The following RFX3 variants were observed in gnomAD, a reference collection of about 807,000 sequenced individuals.
RFX3 encodes the protein transcription factor RFX3.
Under a neutral mutation model 98.6 loss-of-function variants are expected in RFX3, and 14 were observed. The ratio of observed to expected loss-of-function variants is 0.14; its 90% confidence interval spans 0.09 to 0.22. The LOEUF (loss-of-function observed/expected upper bound fraction) is 0.22, where lower values mean the gene tolerates loss of function less well. Among genes scored for constraint, RFX3 ranks in the 10% least tolerant of loss-of-function variants. The pLI, the probability that RFX3 is intolerant of heterozygous loss-of-function variation, is 1.00. For synonymous variants in RFX3, 383 were observed against 328.4 expected (o/e 1.17, Z -1.80); for missense variants, 639 against 926.9 (o/e 0.69, Z 4.03).
chr9:3,250,074 G>A (rs1821182880), intron 14 of RFX3, among the ~76,000 whole-genome samples: 1 of 151,712 alleles, frequency 6.6e-6, no homozygotes. Context: ...TAATTTATAA[G>A]ATTACAATAT....
At chr9:3,235,795 C>G (rs978795577) in intron 15 of RFX3, among the ~76,000 whole-genome samples, 1 of 152,080 alleles carries the variant, frequency 6.6e-6, no homozygotes, top group Admixed American at 6.5e-5. Context: ...AATGTAGTTA[C>G]TCTTGTAACT....
At chr9:3,412,043 G>C (rs1158009339) in intron 1 of RFX3, among the ~76,000 whole-genome samples, 1 of 152,048 alleles carries the variant, frequency 6.6e-6, no homozygotes, top group African/African-American at 2.4e-5. Context: ...TAACAGCTAA[G>C]CTATTTTCAG....
At chr9:3,279,403 G>T (rs962558013) in intron 7 of RFX3, among the ~76,000 whole-genome samples, 2 of 151,734 alleles carry the variant, frequency 1.3e-5, no homozygotes, top group African/African-American at 4.8e-5. Context: ...AAAGGAATTT[G>T]AGTTATTAAT....
chr9:3,264,309 T>C (rs1481229327), intron 12 of RFX3, among the ~76,000 whole-genome samples: 1 of 152,198 alleles, frequency 6.6e-6, no homozygotes, highest in Admixed American at 6.5e-5. Context: ...ATTTTAAAAA[T>C]AGACACATCT....
intron 4 of RFX3, among the ~76,000 whole-genome samples, chr9:3,327,878 G>GTA (rs748092989): frequency 4.1e-5 from 6 of 146,132 alleles, no homozygotes; most frequent in Non-Finnish European, 8.9e-5. Flanking sequence ...CATAGAAAGT[G>GTA]TATACCTTAT....
intron 3 of RFX3, among the ~76,000 whole-genome samples, chr9:3,339,649 G>C (rs1189135849): frequency 6.6e-6 from 1 of 152,170 alleles, no homozygotes; most frequent in African/African-American, 2.4e-5. Context: ...ATTAGACAGA[G>C]AACAGGATGC....
intron 1 of RFX3, among the ~76,000 whole-genome samples, chr9:3,434,394 G>T (rs1844931404): frequency 6.6e-6 from 1 of 152,022 alleles, no homozygotes; most frequent in Non-Finnish European, 1.5e-5. Flanking sequence ...ACCAAATCTA[G>T]CAATCTCTGT....
chr9:3,327,879 T>A (rs1832105299), intron 4 of RFX3, among the ~76,000 whole-genome samples: 1 of 145,682 alleles, frequency 6.9e-6, no homozygotes, highest in African/African-American at 2.7e-5. Flanking sequence ...ATAGAAAGTG[T>A]ATACCTTATC....
chr9:3,374,388 T>A (rs774191217), intron 2 of RFX3, among the ~76,000 whole-genome samples: 3 of 152,134 alleles, frequency 2.0e-5, no homozygotes, highest in African/African-American at 7.2e-5. Flanking sequence ...ATTCATAGCA[T>A]CATAATTCCC....
intron 4 of RFX3, among the ~76,000 whole-genome samples, chr9:3,319,497 T>A (rs1464540807): frequency 6.6e-6 from 1 of 152,190 alleles, no homozygotes. Flanking sequence ...TTTGCATTCA[T>A]GATTCTCTTT....
intron 1 of RFX3, among the ~76,000 whole-genome samples, chr9:3,476,812 G>C (rs1318844517): frequency 6.6e-6 from 1 of 152,102 alleles, no homozygotes; most frequent in East Asian, 1.9e-4. Context: ...GAATATTAAA[G>C]CACCGGATAT....
chr9:3,248,566 G>T (rs1423321693), intron 14 of RFX3, among the ~76,000 whole-genome samples: 2 of 152,136 alleles, frequency 1.3e-5, no homozygotes, highest in Non-Finnish European at 2.9e-5. Flanking sequence ...ATTGATGAAG[G>T]TTGGCAGTCT....
intron 1 of RFX3, among the ~76,000 whole-genome samples, chr9:3,399,879 G>A (rs1841305577): frequency 6.6e-6 from 1 of 151,616 alleles, no homozygotes; most frequent in Non-Finnish European, 1.5e-5. Flanking sequence ...AACCTGGGAG[G>A]CAGAGGTTGC....
At chr9:3,419,940 C>G (rs957659662) in intron 1 of RFX3, among the ~76,000 whole-genome samples, 3 of 152,186 alleles carry the variant, frequency 2.0e-5, no homozygotes. Flanking sequence ...AATTCCAACA[C>G]AACCTCTGCA....
chr9:3,416,679 T>C (rs1219406941), intron 1 of RFX3, among the ~76,000 whole-genome samples: 1 of 152,140 alleles, frequency 6.6e-6, no homozygotes, highest in African/African-American at 2.4e-5. Flanking sequence ...CTGTGATAAG[T>C]TGAAGCAGCA....
chr9:3,354,477 C>G (rs945999226), intron 2 of RFX3, among the ~76,000 whole-genome samples: 11 of 151,270 alleles, frequency 7.3e-5, no homozygotes, highest in African/African-American at 2.2e-4. Context: ...ATTAAGCAGA[C>G]AAAAAAAGAT....
rs1487602139 is a variant in RFX3, at chr9:3,219,602, T to C, written c.*5440A>G. ...AAATCCTAGGCAGTCACTTTGTAAG[T>C]GGCTTTTACTATTTAAGTAAAATTG... On this transcript the variant is annotated 3_prime_UTR_variant, in exon 17 of 17. Coordinates refer to ENST00000617270, the MANE Select transcript of RFX3 (RefSeq NM_001282116.2). The C allele has an allele frequency of 6.6e-6, 1 of 152,114 alleles. No homozygotes were observed. Among genetic ancestry groups the C allele is most frequent in the Non-Finnish European group, 1.5e-5 (1 of 68,020 alleles). The allele number at this position is 152,114 out of a possible 1,614,324, so 9.4% of individuals were successfully genotyped here.
chr9:3,394,361 G>C (rs986537607), intron 2 of RFX3, among the ~76,000 whole-genome samples: 1 of 152,168 alleles, frequency 6.6e-6, no homozygotes, highest in African/African-American at 2.4e-5. Context: ...TATTCTGGAG[G>C]CTGAGGCAGG....
intron 14 of RFX3, among the ~76,000 whole-genome samples, chr9:3,251,769 G>A (rs565518148): frequency 3.3e-5 from 5 of 152,132 alleles, no homozygotes; most frequent in African/African-American, 1.2e-4. Context: ...AATCTTTTCA[G>A]GAATAAATAT....
Sources: gnomAD v4.1 joint callset for allele counts (sites outside exome capture counted in the v4.1 genomes callset) on GRCh38, gnomAD v4.1.1 for gene constraint, MANE v1.5 for transcripts, NCBI Gene and HGNC (gene_info 2026-07-23, HGNC 2026-07-21) for gene names.